The following SYT1 variants were observed in gnomAD, a reference collection of about 807,000 sequenced individuals.
SYT1 encodes synaptotagmin 1.
A neutral mutation model predicts 44.8 loss-of-function variants in SYT1; 8 were observed. That is an observed-to-expected ratio of 0.18 (90% confidence interval 0.10 to 0.32). The LOEUF (loss-of-function observed/expected upper bound fraction) is 0.32. SYT1 is among the 10% of genes least tolerant of loss of function. SYT1 has a pLI of 1.00. For synonymous variants in SYT1, 154 were observed against 188.8 expected, an observed-to-expected ratio of 0.82 and a Z score of 1.51; for missense variants, 286 against 509.3, an observed-to-expected ratio of 0.56 and a Z score of 4.22.
At position 79,407,000 on chromosome 12, in the gene SYT1, T is replaced by G. The variant is rs374225299; in HGVS notation, c.929-37073T>G. 5.9e-5 allele frequency among the ~76,000 whole-genome samples: 9 copies of G among 152,240 alleles called. No individual in the cohort carries two copies. The South Asian group carries it at 1.0e-3, about 18-fold the overall frequency. On this transcript the variant is annotated intron_variant, in intron 9 of 10. Coordinates refer to ENST00000261205, the MANE Select transcript of SYT1 (RefSeq NM_005639.3). ...ACTATCCCTATGGCCCTGGACAAGT[T>G]AATTCATGGTTCTGAGCCTCAGTTT...
At chr12:79,300,789 T>TTTTATTTATA (rs1490670835) in intron 8 of SYT1, among the ~76,000 whole-genome samples, 3 of 89,624 alleles carry the variant, frequency 3.3e-5, no homozygotes, top group African/African-American at 1.2e-4. Context: ...TGTATACTTA[T>TTTTATTTATA]TATATATATA....
chr12:79,334,585 G>T (rs1398904000), intron 8 of SYT1, among the ~76,000 whole-genome samples: 1 of 152,186 alleles, frequency 6.6e-6, no homozygotes, highest in East Asian at 1.9e-4. Flanking sequence ...GGAGGCACAA[G>T]AACATGGTGC....
rs918017110 is a variant in SYT1, at chr12:79,229,734, C to T, written c.166+12049C>T. 8.2e-4 allele frequency among the ~76,000 whole-genome samples: 124 copies of T among 152,146 alleles called. 2 individuals carry two copies. The highest frequency in any genetic ancestry group is 6.8e-3 in the Middle Eastern group (2 of 294). On this transcript the variant is annotated intron_variant, in intron 4 of 10. Coordinates refer to ENST00000261205, the MANE Select transcript of SYT1 (RefSeq NM_005639.3). ...TTAGTCTCCCAAGTAGCTGGGATTT[C>T]AGGCGCTCACCACCATGCCTGGCTA...
At chr12:78,972,943 T>G (rs1025022945) in intron 1 of SYT1, among the ~76,000 whole-genome samples, 1 of 152,138 alleles carries the variant, frequency 6.6e-6, no homozygotes, top group Non-Finnish European at 1.5e-5. Flanking sequence ...AATAATTGAA[T>G]CTTACTCTAC....
At chr12:78,981,285 A>G (rs7974805) in intron 2 of SYT1, among the ~76,000 whole-genome samples, 13,399 of 150,498 alleles carry the variant, frequency 0.089, 754 homozygotes, top group African/African-American at 0.15. Flanking sequence ...GAGCCACCAC[A>G]CCCAGCTAAT....
chr12:78,930,305 A>C (rs1398106860), intron 1 of SYT1, among the ~76,000 whole-genome samples: 1 of 152,162 alleles, frequency 6.6e-6, no homozygotes, highest in African/African-American at 2.4e-5. Flanking sequence ...GTCATTTAAA[A>C]ATAAACCAAT....
At chr12:79,100,835 G>C (rs552497684) in intron 3 of SYT1, among the ~76,000 whole-genome samples, 133 of 152,010 alleles carry the variant, frequency 8.7e-4, no homozygotes, top group African/African-American at 3.2e-3. Flanking sequence ...TATAATAACT[G>C]TTTTTTAAAA....
intron 3 of SYT1, among the ~76,000 whole-genome samples, chr12:79,102,571 T>C (rs1878503451): frequency 6.6e-6 from 1 of 152,192 alleles, no homozygotes; most frequent in Admixed American, 6.5e-5. Flanking sequence ...CTTTCTGTAG[T>C]GGAATGTGAG....
intron 2 of SYT1, among the ~76,000 whole-genome samples, chr12:79,043,855 G>A (rs1231337743): frequency 6.6e-6 from 1 of 152,146 alleles, no homozygotes; most frequent in Non-Finnish European, 1.5e-5. Flanking sequence ...TTGCTTGTCT[G>A]TAAAGTATTT....
intron 3 of SYT1, among the ~76,000 whole-genome samples, chr12:79,111,179 A>G (rs1878990422): frequency 6.6e-6 from 1 of 152,162 alleles, no homozygotes; most frequent in Admixed American, 6.5e-5. Context: ...CTAGCGCAGT[A>G]TTTGTAATAA....
At chr12:79,081,323 A>C (rs1238744727) in intron 3 of SYT1, among the ~76,000 whole-genome samples, 1 of 152,068 alleles carries the variant, frequency 6.6e-6, no homozygotes. Flanking sequence ...GAAAAAAGCA[A>C]ATTACTACAT....
intron 3 of SYT1, among the ~76,000 whole-genome samples, chr12:79,067,216 G>T (rs1330200226): frequency 6.6e-6 from 1 of 152,046 alleles, no homozygotes; most frequent in African/African-American, 2.4e-5. Context: ...TTGGTGAAAG[G>T]TAGTTTTCCC....
At chr12:78,955,830 G>GTGTGTGTGTC in intron 1 of SYT1, among the ~76,000 whole-genome samples, 1 of 151,590 alleles carries the variant, frequency 6.6e-6, no homozygotes, top group East Asian at 1.9e-4. Flanking sequence ...GTGTGTGTGT[G>GTGTGTGTGTC]TGTGTGTGCA....
rs370848934 is a variant in SYT1, at chr12:78,985,389, A to G, written c.-84+7458A>G. Among the ~76,000 whole-genome samples, 4 of 152,014 alleles carry G rather than the reference A, an allele frequency of 2.6e-5. No individual in the cohort carries two copies. In the East Asian group the frequency reaches 5.8e-4, roughly 22 times the overall value. The stretch of plus-strand genomic sequence containing the variant: ...AAGGGAGAATCTAAGAAAGAAGAAT[A>G]TATTCTTTCTAAAATAACTCCCCTT... On this transcript the variant is annotated intron_variant, in intron 2 of 10. Coordinates refer to ENST00000261205, the MANE Select transcript of SYT1 (RefSeq NM_005639.3).
chr12:78,962,663 A>C (rs1318547869), intron 1 of SYT1, among the ~76,000 whole-genome samples: 1 of 152,098 alleles, frequency 6.6e-6, no homozygotes, highest in Non-Finnish European at 1.5e-5. Context: ...GCTGTCATTT[A>C]AATTATGTTT....
intron 3 of SYT1, among the ~76,000 whole-genome samples, chr12:79,201,318 T>A (rs1873770997): frequency 6.6e-6 from 1 of 152,200 alleles, no homozygotes; most frequent in Non-Finnish European, 1.5e-5. Flanking sequence ...AGCTATGATT[T>A]TATTTAAAAG....
At chr12:79,049,258 A>C (rs1874293593) in intron 3 of SYT1, among the ~76,000 whole-genome samples, 1 of 151,948 alleles carries the variant, frequency 6.6e-6, no homozygotes, top group Non-Finnish European at 1.5e-5. Context: ...GATTTAGCCT[A>C]GCATACCTCG....
chr12:79,258,804 G>A (rs1565879522), intron 4 of SYT1, among the ~76,000 whole-genome samples: 1 of 152,094 alleles, frequency 6.6e-6, no homozygotes, highest in Non-Finnish European at 1.5e-5. Context: ...CACTGAGTGT[G>A]GGTAAATAAA....
intron 4 of SYT1, among the ~76,000 whole-genome samples, chr12:79,226,883 T>A (rs1203143687): frequency 6.6e-6 from 1 of 152,138 alleles, no homozygotes; most frequent in African/African-American, 2.4e-5. Context: ...ATAAAACACA[T>A]CCTTAAAATC....
Sources: gnomAD v4.1 joint callset for allele counts (sites outside exome capture counted in the v4.1 genomes callset) on GRCh38, gnomAD v4.1.1 for gene constraint, MANE v1.5 for transcripts, NCBI Gene and HGNC (gene_info 2026-07-23, HGNC 2026-07-21) for gene names.